The following SEMA5A variants were observed in gnomAD, a reference collection of about 807,000 sequenced individuals.
SEMA5A encodes semaphorin 5A.
Under a neutral mutation model 135.5 loss-of-function variants are expected in SEMA5A, and 55 were observed. The ratio of observed to expected loss-of-function variants is 0.41; its 90% confidence interval spans 0.33 to 0.51. The LOEUF (loss-of-function observed/expected upper bound fraction) is 0.51. Among genes scored for constraint, SEMA5A ranks in the 20% least tolerant of loss-of-function variants. The pLI, the probability that SEMA5A is intolerant of heterozygous loss-of-function variation, is 0.37. For synonymous variants in SEMA5A, 580 were observed against 546.5 expected, an observed-to-expected ratio of 1.06 and a Z score of -0.85; for missense variants, 1,290 against 1,419.9, an observed-to-expected ratio of 0.91 and a Z score of 1.47.
intron 1 of SEMA5A, among the ~76,000 whole-genome samples, chr5:9,475,703 A>G (rs776745790): frequency 1.3e-5 from 2 of 152,216 alleles, no homozygotes; most frequent in Non-Finnish European, 2.9e-5. Context: ...TGGTATTGTT[A>G]AAAGTTTGAC....
intron 1 of SEMA5A, among the ~76,000 whole-genome samples, chr5:9,446,238 T>C (rs1220448894): frequency 1.3e-5 from 2 of 152,188 alleles, no homozygotes; most frequent in East Asian, 3.9e-4. Context: ...GAAATAAAGC[T>C]GGAGTAAACA....
chr5:9,154,093 A>ATATATATATATATGTGTGTGTG (rs372321939), intron 12 of SEMA5A, among the ~76,000 whole-genome samples: 85 of 73,386 alleles, frequency 1.2e-3, no homozygotes, highest in Non-Finnish European at 1.5e-3. Flanking sequence ...ATATATATAT[A>ATATATATATATATGTGTGTGTG]TGTGTGTGTG....
At chr5:9,088,659 T>TATATATAC in intron 16 of SEMA5A, among the ~76,000 whole-genome samples, 8 of 112,872 alleles carry the variant, frequency 7.1e-5, no homozygotes, top group East Asian at 2.2e-4. Flanking sequence ...TATATATATA[T>TATATATAC]ACACACACAC....
chr5:9,042,548 T>G lies in SEMA5A; in HGVS notation c.*349A>C, dbSNP rs1450437730. ...TTCTTGAATTACAACATCATGAAGA[T>G]TTACACTCCAAAGTTCTAAAGAAAG... On this transcript the variant is annotated 3_prime_UTR_variant, in exon 23 of 23. Coordinates refer to ENST00000382496, the MANE Select transcript of SEMA5A (RefSeq NM_003966.3). The G allele has an allele frequency of 2.3e-5, 6 of 262,884 alleles. No homozygotes were observed. Among genetic ancestry groups the G allele is most frequent in the Non-Finnish European group, 3.6e-5 (5 of 138,544 alleles). The allele number at this position is 262,884 out of a possible 1,614,324, so 16.3% of individuals were successfully genotyped here. A position where few individuals can be genotyped will look rare whatever the true frequency, so the allele number is the denominator to read the frequency against.
At chr5:9,156,287 T>C (rs1242768845) in intron 11 of SEMA5A, among the ~76,000 whole-genome samples, 1 of 152,176 alleles carries the variant, frequency 6.6e-6, no homozygotes, top group African/African-American at 2.4e-5. Context: ...GCCTCAATGA[T>C]TCTTAGGTCT....
intron 16 of SEMA5A, among the ~76,000 whole-genome samples, chr5:9,095,928 G>T (rs1172065255): frequency 6.6e-6 from 1 of 152,156 alleles, no homozygotes; most frequent in Non-Finnish European, 1.5e-5. Context: ...TTGAACATTG[G>T]TATTAAGATT....
chr5:9,230,911 C>A (rs1386530894), intron 6 of SEMA5A, among the ~76,000 whole-genome samples: 1 of 152,154 alleles, frequency 6.6e-6, no homozygotes, highest in Non-Finnish European at 1.5e-5. Context: ...ATAACTCAGT[C>A]ACCCAACTGG....
At chr5:9,377,096 A>G (rs1423739013) in intron 3 of SEMA5A, among the ~76,000 whole-genome samples, 1 of 146,868 alleles carries the variant, frequency 6.8e-6, no homozygotes, top group East Asian at 2.1e-4. Flanking sequence ...AGTGGAAGCT[A>G]TGTAGCTACC....
intron 16 of SEMA5A, among the ~76,000 whole-genome samples, chr5:9,093,710 C>CA (rs1168221973): frequency 4.6e-5 from 7 of 151,452 alleles, no homozygotes; most frequent in Admixed American, 4.6e-4. Flanking sequence ...AACAAAAAAA[C>CA]AAAACAAAAA....
chr5:9,408,012 C>CATCA lies in SEMA5A; in HGVS notation c.-77-27990_-77-27989insTGAT, dbSNP rs544506826. 2.9e-4 allele frequency among the ~76,000 whole-genome samples: 44 copies of CATCA among 151,344 alleles called. 1 individual carries two copies. The highest frequency in any genetic ancestry group is 9.1e-4 in the African/African-American group (37 of 40,854). On this transcript the variant is annotated intron_variant, in intron 2 of 22. Coordinates refer to ENST00000382496, the MANE Select transcript of SEMA5A (RefSeq NM_003966.3). Reference sequence around the variant, plus strand: ...CTACTGCCATCATCACCATCACTACCAACACCACAACTACCACCATCATTA... The same window carrying CATCA: ...CTACTGCCATCATCACCATCACTACCATCAAACACCACAACTACCACCATCATTA...
intron 1 of SEMA5A, among the ~76,000 whole-genome samples, chr5:9,538,317 C>G (rs268556): frequency 0.085 from 12,875 of 152,082 alleles, 874 homozygotes; most frequent in African/African-American, 0.18. Flanking sequence ...TTTAAATACT[C>G]AGGCTCTGGG....
chr5:9,335,225 C>A (rs1475354850), intron 4 of SEMA5A, among the ~76,000 whole-genome samples: 1 of 152,012 alleles, frequency 6.6e-6, no homozygotes. Flanking sequence ...TGGACAGAGA[C>A]CTCTAGGGAT....
chr5:9,178,424 C>T (rs1240794796), intron 11 of SEMA5A, among the ~76,000 whole-genome samples: 4 of 151,042 alleles, frequency 2.6e-5, no homozygotes, highest in East Asian at 2.0e-4. Flanking sequence ...CTCCATCTCC[C>T]GGGTTCAAGT....
chr5:9,056,418 TC>T (rs1372014291), intron 18 of SEMA5A, among the ~76,000 whole-genome samples: 1 of 151,456 alleles, frequency 6.6e-6, no homozygotes, highest in African/African-American at 2.4e-5. Context: ...ATGTGGAGGG[TC>T]CTCAAAAAAT....
chr5:9,169,377 T>G (rs1314587764), intron 11 of SEMA5A, among the ~76,000 whole-genome samples: 2 of 152,224 alleles, frequency 1.3e-5, no homozygotes, highest in Non-Finnish European at 2.9e-5. Context: ...GTAAGTAATG[T>G]GTCCTCTCTC....
At chr5:9,482,401 G>A (rs1322880617) in intron 1 of SEMA5A, among the ~76,000 whole-genome samples, 4 of 152,164 alleles carry the variant, frequency 2.6e-5, no homozygotes, top group African/African-American at 9.7e-5. Context: ...ATTGAGACAG[G>A]AAGAAAAAGG....
intron 4 of SEMA5A, among the ~76,000 whole-genome samples, chr5:9,320,705 G>A (rs1392446395): frequency 6.6e-6 from 1 of 152,160 alleles, no homozygotes; most frequent in Non-Finnish European, 1.5e-5. Flanking sequence ...GTGACAGAGA[G>A]AGATCCTGTC....
chr5:9,205,263 A>C (rs537698212), intron 8 of SEMA5A, among the ~76,000 whole-genome samples: 1 of 152,178 alleles, frequency 6.6e-6, no homozygotes, highest in African/African-American at 2.4e-5. Flanking sequence ...CCAACCAGAG[A>C]GACAATAAAT....
chr5:9,202,091 C>T lies in SEMA5A; in HGVS notation c.796G>A (p.Asp266Asn), dbSNP rs773047647. The change falls in exon 9 of 23, where the codon GAC becomes AAC. Residue 266 changes from aspartate to asparagine, a missense_variant. Physicochemically the swap from Asp to Asn is conservative, Grantham distance 23. Coordinates refer to ENST00000382496, the MANE Select transcript of SEMA5A (RefSeq NM_003966.3). ...GCCTTCATGAATGTGGTCCAGGTGT[C>T]TTCCAGCAGGAAGCGCCCACCAATA... ...NDIGGRFLLE[D>N]TWTTFMKARL... The T allele has an allele frequency of 2.5e-6, 4 of 1,614,198 alleles. No homozygotes were observed. Among genetic ancestry groups the T allele is most frequent in the Non-Finnish European group, 2.5e-6 (3 of 1,180,032 alleles).
Sources: gnomAD v4.1 joint callset for allele counts (sites outside exome capture counted in the v4.1 genomes callset) on GRCh38, gnomAD v4.1.1 for gene constraint, MANE v1.5 for transcripts, NCBI Gene and HGNC (gene_info 2026-07-23, HGNC 2026-07-21) for gene names.